The following PKHD1 variants were observed in gnomAD, a reference collection of about 807,000 sequenced individuals.
PKHD1 encodes the protein fibrocystin.
In PKHD1, 291 loss-of-function variants were observed where a neutral mutation model predicts 412.0. The observed-to-expected ratio is 0.71, with a 90% CI of 0.64 to 0.78. PKHD1 has a LOEUF of 0.78. Ranked by LOEUF, PKHD1 falls within the 30% of genes least tolerant of loss-of-function variation. The pLI is 0.00. For synonymous variants in PKHD1, 1,777 were observed against 1,821.5 expected, an observed-to-expected ratio of 0.98 and a Z score of 0.62; for missense variants, 4,825 against 4,950.7, an observed-to-expected ratio of 0.97 and a Z score of 0.76.
intron 36 of PKHD1, among the ~76,000 whole-genome samples, chr6:51,950,432 T>G (rs1355360755): frequency 6.6e-6 from 1 of 151,990 alleles, no homozygotes; most frequent in Non-Finnish European, 1.5e-5. Flanking sequence ...CTTTGGGAAA[T>G]GAGTAGTTGG....
At chr6:52,056,622 G>A in intron 18 of PKHD1, 76 bp downstream of exon 18, 1 of 1,099,782 alleles carries the variant, frequency 9.1e-7, no homozygotes, top group Non-Finnish European at 1.4e-6. Context: ...GAGAGGAAAT[G>A]GGGATTGTTC....
chr6:51,786,452 A>G (rs1006480859), intron 53 of PKHD1, among the ~76,000 whole-genome samples: 5 of 152,164 alleles, frequency 3.3e-5, no homozygotes, highest in African/African-American at 1.2e-4. Context: ...AAATATAATC[A>G]TGTCACTTCC....
chr6:51,620,889 A>G (rs578152607), intron 66 of PKHD1, among the ~76,000 whole-genome samples: 140 of 151,564 alleles, frequency 9.2e-4, no homozygotes, highest in Admixed American at 2.0e-3. Flanking sequence ...ATCTACTAAT[A>G]TTATGATAAG....
intron 46 of PKHD1, among the ~76,000 whole-genome samples, chr6:51,871,313 T>TTTAGAAAAAAAAGG (rs1562505563): frequency 2.3e-5 from 3 of 130,878 alleles, no homozygotes; most frequent in South Asian, 2.3e-4. Flanking sequence ...CAAACTGCAT[T>TTTAGAAAAAAAAGG]ACATCTATCT....
intron 35 of PKHD1, among the ~76,000 whole-genome samples, chr6:51,973,899 T>C (rs1794011148): frequency 6.6e-6 from 1 of 152,216 alleles, no homozygotes; most frequent in Non-Finnish European, 1.5e-5. Context: ...GCTTAGCTAT[T>C]GGTTCCAATA....
At chr6:51,787,196 T>C (rs553159956) in intron 53 of PKHD1, among the ~76,000 whole-genome samples, 53 of 152,116 alleles carry the variant, frequency 3.5e-4, no homozygotes, top group African/African-American at 8.9e-4. Context: ...CTGTCTCTAA[T>C]AAAACTACAA....
intron 40 of PKHD1, among the ~76,000 whole-genome samples, chr6:51,906,908 G>A (rs1456758226): frequency 3.3e-5 from 5 of 152,140 alleles, no homozygotes; most frequent in African/African-American, 4.8e-5. Flanking sequence ...CCTCTACTAC[G>A]CTAAAAAATT....
chr6:51,708,449 A>C (rs1780264159), intron 60 of PKHD1, among the ~76,000 whole-genome samples: 1 of 152,202 alleles, frequency 6.6e-6, no homozygotes, highest in Admixed American at 6.5e-5. Flanking sequence ...TTAAACATGC[A>C]GGTCTAATCA....
intron 48 of PKHD1, among the ~76,000 whole-genome samples, chr6:51,856,290 T>A (rs1310398167): frequency 1.3e-5 from 2 of 152,198 alleles, no homozygotes; most frequent in African/African-American, 4.8e-5. Context: ...AATTACAATG[T>A]CCTGGTGAAC....
rs551434827 is a variant in PKHD1 at position 51,796,615 on chromosome 6, C to T, written c.8303-5242G>A. 2.6e-5 allele frequency among the ~76,000 whole-genome samples: 4 copies of T among 152,054 alleles called. No individual in the cohort carries two copies. The East Asian group carries it at 7.7e-4, about 29-fold the overall frequency. On this transcript the variant is annotated intron_variant, in intron 52 of 66. Coordinates refer to ENST00000371117, the MANE Select transcript of PKHD1 (RefSeq NM_138694.4). Reference sequence around the variant, plus strand: ...GATTGTTAACTTGAGATCTTTCTAGCTTTTAGATGTGGGCATTTAGTGCTA... The same window carrying T: ...GATTGTTAACTTGAGATCTTTCTAGTTTTTAGATGTGGGCATTTAGTGCTA...
intron 57 of PKHD1, 119 bp from the exon 58 acceptor site, chr6:51,748,784 C>A (rs1182801884): frequency 1.5e-5 from 12 of 824,090 alleles, no homozygotes; most frequent in Non-Finnish European, 2.5e-5. Context: ...TTATTCTCAA[C>A]ACCAACATTA....
intron 64 of PKHD1, among the ~76,000 whole-genome samples, chr6:51,636,087 TG>T (rs1768533856): frequency 6.6e-6 from 1 of 152,104 alleles, no homozygotes; most frequent in Non-Finnish European, 1.5e-5. Context: ...CTCAGGAAGT[TG>T]AGAAGTGATA....
chr6:52,076,452 G>A (rs1288539099), intron 5 of PKHD1, 119 bp from the exon 6 acceptor site: 17 of 749,544 alleles, frequency 2.3e-5, no homozygotes, highest in Non-Finnish European at 4.2e-5. Context: ...ATTTACTCAT[G>A]TCACCCTCAC....
At position 52,084,982 on chromosome 6, in the gene PKHD1, A is replaced by G. The variant is rs1266291036; in HGVS notation, c.-49T>C. 1 of 1,296,744 alleles carries G rather than the reference A, an allele frequency of 7.7e-7. No individual in the cohort carries two copies. Among genetic ancestry groups the G allele is most frequent in the East Asian group, 2.3e-5 (1 of 43,318 alleles). The allele number at this position is 1,296,744 out of a possible 1,614,324, so 80.3% of individuals were successfully genotyped here. On this transcript the variant is annotated 5_prime_UTR_variant, in exon 2 of 67. An upstream start codon of the reference 5' UTR is lost. Coordinates refer to ENST00000371117, the MANE Select transcript of PKHD1 (RefSeq NM_138694.4). ...TTAAGATTGCTCAGACATTAAAAGC[A>G]TTTTCAGTTTTGATTGGAGCAGCAT...
At chr6:52,007,298 T>G (rs1406799720) in intron 35 of PKHD1, among the ~76,000 whole-genome samples, 1 of 152,226 alleles carries the variant, frequency 6.6e-6, no homozygotes, top group African/African-American at 2.4e-5. Context: ...CTAGTTTACA[T>G]TCCCACCAGC....
intron 8 of PKHD1, 58 bp downstream of exon 8, chr6:52,072,057 T>A (rs1479179903): frequency 1.1e-6 from 1 of 938,390 alleles, no homozygotes; most frequent in African/African-American, 1.6e-5. Context: ...GTGTGTGTGT[T>A]GTATCCATGT....
intron 28 of PKHD1, among the ~76,000 whole-genome samples, chr6:52,034,372 T>C (rs1442961874): frequency 1.3e-5 from 2 of 151,974 alleles, no homozygotes; most frequent in Non-Finnish European, 2.9e-5. Flanking sequence ...CAGGAAAACA[T>C]AATTTACTAT....
chr6:51,728,786 A>G (rs1334538677), intron 60 of PKHD1, among the ~76,000 whole-genome samples: 3 of 152,218 alleles, frequency 2.0e-5, no homozygotes, highest in African/African-American at 7.2e-5. Flanking sequence ...ATAATTTGTT[A>G]TAGCAGCAAT....
Position 51,653,358 on chromosome 6 carries a change from T to G in PKHD1, c.11175-4138A>C, listed in dbSNP as rs569936985. ...GAAGAAATGTCTTATGATCTGACGG[T>G]TTTTTTCTGGCACTGTGGTCTAGTA... On this transcript the variant is annotated intron_variant, in intron 61 of 66. Coordinates refer to ENST00000371117, the MANE Select transcript of PKHD1 (RefSeq NM_138694.4). 3.3e-5 allele frequency among the ~76,000 whole-genome samples: 5 copies of G among 152,220 alleles called. No individual in the cohort carries two copies. The East Asian group carries it at 7.7e-4, about 24-fold the overall frequency.
Sources: gnomAD v4.1 joint callset for allele counts (sites outside exome capture counted in the v4.1 genomes callset) on GRCh38, gnomAD v4.1.1 for gene constraint, MANE v1.5 for transcripts, NCBI Gene and HGNC (gene_info 2026-07-23, HGNC 2026-07-21) for gene names.